The following DIAPH1 variants were observed in gnomAD, a reference collection of about 807,000 sequenced individuals.
The protein encoded by DIAPH1 is protein diaphanous homolog 1.
A neutral mutation model predicts 140.7 loss-of-function variants in DIAPH1; 46 were observed. The ratio of observed to expected loss-of-function variants is 0.33; its 90% CI spans 0.26 to 0.42. The LOEUF (loss-of-function observed/expected upper bound fraction) is 0.42. Among genes scored for constraint, DIAPH1 ranks in the 10% least tolerant of loss-of-function variants. DIAPH1 has a pLI of 1.00. For missense variants in DIAPH1, 1,310 were observed against 1,558.7 expected (o/e 0.84, Z 2.69); for synonymous variants, 565 against 551.6 (o/e 1.02, Z -0.34).
Position 141,516,744 on chromosome 5 carries a change from G to T in DIAPH1, c.*107C>A. On this transcript the variant is annotated 3_prime_UTR_variant, in exon 28 of 28. Transcript: ENST00000389054. ...GAGAGAAAGACAGGGTCAGGGTGGT[G>T]GGAGTGGCCACCCCAGAGGAATATC... 1.6e-6 allele frequency: 2 copies of T among 1,249,882 alleles called. No homozygotes were observed. Among genetic ancestry groups the T allele is most frequent in the South Asian group, 1.2e-5 (1 of 81,114 alleles). 77.4% of individuals were successfully genotyped at this position (1,249,882 alleles called of 1,614,324 possible). A position where few individuals can be genotyped will look rare whatever the true frequency, so the allele number is the denominator to read the frequency against.
chr5:141,568,573 C>G (rs2099894705), intron 18 of DIAPH1, among the ~76,000 whole-genome samples: 1 of 152,168 alleles, frequency 6.6e-6, no homozygotes, highest in Non-Finnish European at 1.5e-5. Context: ...GTATAATATT[C>G]TAGGACCAGT....
chr5:141,599,142 G>A (rs532848465), intron 1 of DIAPH1, among the ~76,000 whole-genome samples: 39 of 152,320 alleles, frequency 2.6e-4, no homozygotes, highest in Admixed American at 2.4e-3. Flanking sequence ...GTAGTTCTTA[G>A]CAGCAGAGAG....
Position 141,516,615 on chromosome 5 carries a change from A to G in DIAPH1, c.*236T>C, listed in dbSNP as rs774939804. On this transcript the variant is annotated 3_prime_UTR_variant, in exon 28 of 28. Transcript: ENST00000389054. ...ATGGACCCTGCTTTGGTAATACAAC[A>G]GCCAGGGCTGGCTAAGTCGGGCTCA... 241 of 577,990 alleles carry G rather than the reference A, an allele frequency of 4.2e-4. 1 individual carries two copies. Among genetic ancestry groups the G allele is most frequent in the Middle Eastern group, 2.8e-3 (6 of 2,112 alleles). 35.8% of individuals were successfully genotyped at this position (577,990 alleles called of 1,614,324 possible).
At chr5:141,538,181 C>A (rs1273920558) in intron 18 of DIAPH1, among the ~76,000 whole-genome samples, 1 of 146,416 alleles carries the variant, frequency 6.8e-6, no homozygotes. Context: ...CTGCCTCAGC[C>A]TCCTGAGTAG....
chr5:141,554,861 C>A (rs189796582), intron 18 of DIAPH1, among the ~76,000 whole-genome samples: 4 of 152,124 alleles, frequency 2.6e-5, no homozygotes, highest in Admixed American at 1.3e-4. Flanking sequence ...AATAAATAGT[C>A]TTAGCATATT....
At chr5:141,586,773 A>G (rs541780310) in intron 3 of DIAPH1, among the ~76,000 whole-genome samples, 4 of 152,330 alleles carry the variant, frequency 2.6e-5, no homozygotes, top group African/African-American at 9.6e-5. Flanking sequence ...TAGATGGTCC[A>G]CTACGTCTTT....
chr5:141,546,100 G>A (rs2099890760), intron 18 of DIAPH1, among the ~76,000 whole-genome samples: 1 of 152,000 alleles, frequency 6.6e-6, no homozygotes, highest in Admixed American at 6.6e-5. Flanking sequence ...TGAGACTCTG[G>A]GGCCGGGCAC....
intron 6 of DIAPH1, 74 bp from the exon 7 acceptor site, chr5:141,582,449 G>A (rs1176595387): frequency 2.6e-6 from 3 of 1,158,104 alleles, no homozygotes; most frequent in East Asian, 2.3e-5. Flanking sequence ...TTGCAAACAA[G>A]GTTCTTAGGA....
chr5:141,522,994 G>T (rs1170196402), intron 27 of DIAPH1, among the ~76,000 whole-genome samples: 15 of 152,206 alleles, frequency 9.9e-5, no homozygotes. Flanking sequence ...GAAACTCACA[G>T]TGATGGCTGT....
At chr5:141,542,867 AAATT>A (rs1472942392) in intron 18 of DIAPH1, among the ~76,000 whole-genome samples, 1 of 152,226 alleles carries the variant, frequency 6.6e-6, no homozygotes, top group Non-Finnish European at 1.5e-5. Flanking sequence ...CATCTCAATA[AAATT>A]GTTTATTGTC....
chr5:141,608,207 G>A (rs2099901252), intron 1 of DIAPH1, among the ~76,000 whole-genome samples: 1 of 152,246 alleles, frequency 6.6e-6, no homozygotes. Flanking sequence ...TGGAGGCTGA[G>A]GTGGGAGGAC....
At chr5:141,603,686 A>T (rs2099900503) in intron 1 of DIAPH1, among the ~76,000 whole-genome samples, 1 of 152,232 alleles carries the variant, frequency 6.6e-6, no homozygotes, top group African/African-American at 2.4e-5. Flanking sequence ...TGTCCTGCAC[A>T]ACTGTCTAAA....
intron 15 of DIAPH1, among the ~76,000 whole-genome samples, chr5:141,574,478 A>C (rs2099895657): frequency 6.6e-6 from 1 of 152,192 alleles, no homozygotes; most frequent in Non-Finnish European, 1.5e-5. Flanking sequence ...TGATTAGAAA[A>C]TGTAAAGGTC....
In DIAPH1 at chr5:141,565,436, C is replaced by A. The variant is rs963932601; in HGVS notation, c.2482+5992G>T. ...ACCACAGTCACTCTGGGGGAGGACA[C>A]CTTTTTACCCTGTATTTCCAGTGTA... On this transcript the variant is annotated intron_variant, in intron 18 of 27. Transcript: ENST00000389054. The surrounding 1 kb of genome is among the most constrained non-coding windows in gnomAD (Gnocchi z 4.3). Among the ~76,000 whole-genome samples the A allele has an allele frequency of 6.6e-6, 1 of 152,128 alleles. No individual in the cohort carries two copies. The highest frequency in any genetic ancestry group is 1.5e-5 in the Non-Finnish European group (1 of 68,018).
rs2099895179 is a variant in DIAPH1 at position 141,571,509 on chromosome 5, CA to C, written c.2474-74del. 4 of 1,339,524 alleles carry C rather than the reference CA, an allele frequency of 3.0e-6. No homozygotes were observed. In the Admixed American group the frequency reaches 7.4e-5, roughly 25 times the overall value. 83.0% of individuals were successfully genotyped at this position (1,339,524 alleles called of 1,614,324 possible). A position where few individuals can be genotyped will look rare whatever the true frequency, so the allele number is the denominator to read the frequency against. On this transcript the variant is annotated intron_variant, in intron 17 of 27. Coordinates refer to ENST00000389054, the MANE Select transcript of DIAPH1 (RefSeq NM_005219.5). ...GAAATGGAAGGAAGAAAAGGAATCACATATGGTTCTTGTTACTGTAGACAGT... is the reference window on the plus strand; with the variant it reads ...GAAATGGAAGGAAGAAAAGGAATCACTATGGTTCTTGTTACTGTAGACAGT...
At chr5:141,581,739 A>C (rs1020315445) in intron 7 of DIAPH1, among the ~76,000 whole-genome samples, 1 of 152,132 alleles carries the variant, frequency 6.6e-6, no homozygotes, top group African/African-American at 2.4e-5. Context: ...CAGGTCAGGA[A>C]ATTCAAGAAT....
intron 27 of DIAPH1, 71 bp from the exon 28 acceptor site, chr5:141,517,079 A>C (rs1222392720): frequency 1.9e-6 from 3 of 1,577,982 alleles, no homozygotes; most frequent in Non-Finnish European, 2.6e-6. Context: ...TCTACAGCAG[A>C]TAATCAGCGT....
At chr5:141,576,201 AAC>A (rs757544110) in intron 14 of DIAPH1, 27 bp downstream of exon 14, 1 of 1,526,952 alleles carries the variant, frequency 6.5e-7, no homozygotes, top group South Asian at 1.1e-5. Context: ...GATATACTCA[AAC>A]ACATGTCTTT....
At chr5:141,549,915 T>C (rs375127182) in intron 18 of DIAPH1, among the ~76,000 whole-genome samples, 15 of 152,246 alleles carry the variant, frequency 9.9e-5, no homozygotes, top group African/African-American at 3.6e-4. Flanking sequence ...CTACACACTC[T>C]GTATTGGTTG....
Sources: gnomAD v4.1 joint callset for allele counts (sites outside exome capture counted in the v4.1 genomes callset) on GRCh38, gnomAD v4.1.1 for gene constraint, Gnocchi (gnomAD v3.1) non-coding constraint, MANE v1.5 for transcripts, NCBI Gene and HGNC (gene_info 2026-07-23, HGNC 2026-07-21) for gene names.